Variants in PLCL1 observed in about 807,000 individuals in gnomAD.
PLCL1 encodes phospholipase C like 1 (inactive).
In PLCL1, 41 loss-of-function variants were observed where a neutral mutation model predicts 84.4. That is an observed-to-expected ratio of 0.49 (90% CI 0.38 to 0.63). The LOEUF (loss-of-function observed/expected upper bound fraction) is 0.63. Among genes scored for constraint, PLCL1 ranks in the 30% least tolerant of loss-of-function variants. The pLI is 0.00. For synonymous variants in PLCL1, 490 were observed against 488.3 expected (o/e 1.00, Z -0.05); for missense variants, 1,206 against 1,367.8 (o/e 0.88, Z 1.87).
At chr2:197,859,324 T>C (rs1457348169) in intron 1 of PLCL1, among the ~76,000 whole-genome samples, 1 of 152,134 alleles carries the variant, frequency 6.6e-6, no homozygotes. Context: ...TAAATAAGAC[T>C]CCCTCAGATG....
At chr2:198,074,744 G>T (rs913159171) in intron 1 of PLCL1, among the ~76,000 whole-genome samples, 2 of 152,210 alleles carry the variant, frequency 1.3e-5, no homozygotes, top group Non-Finnish European at 2.9e-5. Context: ...GGGAAATTTT[G>T]TCAGGAATGT....
chr2:198,143,833 A>G (rs1485263486), intron 5 of PLCL1, among the ~76,000 whole-genome samples: 2 of 152,198 alleles, frequency 1.3e-5, no homozygotes, highest in Non-Finnish European at 2.9e-5. Flanking sequence ...TCATGTTTCA[A>G]TGTACACTCT....
intron 5 of PLCL1, among the ~76,000 whole-genome samples, chr2:198,123,204 C>T (rs1302011140): frequency 6.6e-6 from 1 of 152,048 alleles, no homozygotes; most frequent in Non-Finnish European, 1.5e-5. Flanking sequence ...ATTCATGTTA[C>T]AATAGGCAAA....
chr2:198,032,344 A>G (rs79744691), intron 1 of PLCL1, among the ~76,000 whole-genome samples: 1 of 152,090 alleles, frequency 6.6e-6, no homozygotes, highest in Admixed American at 6.6e-5. Context: ...TAAAAAAAAA[A>G]CTCCTTCCAA....
chr2:198,087,660 T>C (rs1383142708), intron 2 of PLCL1, among the ~76,000 whole-genome samples: 1 of 152,140 alleles, frequency 6.6e-6, no homozygotes, highest in East Asian at 1.9e-4. Context: ...TAACTGTACA[T>C]TTTAGAGTAA....
chr2:197,968,763 T>C (rs761586722), intron 1 of PLCL1, among the ~76,000 whole-genome samples: 1 of 152,350 alleles, frequency 6.6e-6, no homozygotes, highest in Non-Finnish European at 1.5e-5. Context: ...CTGAATTTCT[T>C]ATTCTACTGG....
At chr2:197,914,519 C>T (rs545323485) in intron 1 of PLCL1, among the ~76,000 whole-genome samples, 15 of 151,972 alleles carry the variant, frequency 9.9e-5, no homozygotes, top group African/African-American at 1.4e-4. Context: ...TTAGTAGAGA[C>T]GGGGTTTCAC....
chr2:198,071,310 TTA>T (rs1351753659), intron 1 of PLCL1, among the ~76,000 whole-genome samples: 2 of 151,978 alleles, frequency 1.3e-5, no homozygotes, highest in African/African-American at 4.8e-5. Flanking sequence ...CACCTCTTAC[TTA>T]TATCTTTGCT....
chr2:198,133,291 C>A (rs1694170234), intron 5 of PLCL1, among the ~76,000 whole-genome samples: 1 of 149,120 alleles, frequency 6.7e-6, no homozygotes, highest in African/African-American at 2.5e-5. Context: ...AAACCAAACA[C>A]CGCATATTCT....
intron 1 of PLCL1, among the ~76,000 whole-genome samples, chr2:198,001,280 T>C (rs1489646662): frequency 6.6e-6 from 1 of 152,158 alleles, no homozygotes; most frequent in Admixed American, 6.5e-5. Context: ...ACATCACTTA[T>C]TGAGGGATTT....
intron 1 of PLCL1, among the ~76,000 whole-genome samples, chr2:197,896,616 A>G (rs539843085): frequency 1.3e-5 from 2 of 152,240 alleles, no homozygotes; most frequent in East Asian, 1.9e-4. Context: ...GGTGCTTAAC[A>G]TCAGGCATAA....
chr2:197,946,941 AG>A (rs1307419934), intron 1 of PLCL1, among the ~76,000 whole-genome samples: 2 of 152,046 alleles, frequency 1.3e-5, no homozygotes, highest in Non-Finnish European at 2.9e-5. Context: ...CATCTTCCTC[AG>A]GGGCCCCCAC....
At chr2:197,808,750 T>C (rs1417040387) in intron 1 of PLCL1, among the ~76,000 whole-genome samples, 2 of 152,252 alleles carry the variant, frequency 1.3e-5, no homozygotes, top group South Asian at 4.1e-4. Context: ...TTATTTACTA[T>C]ATTAGTTGGT....
intron 1 of PLCL1, among the ~76,000 whole-genome samples, chr2:197,949,867 G>C (rs556954164): frequency 1.3e-5 from 2 of 152,218 alleles, no homozygotes; most frequent in East Asian, 1.9e-4. Flanking sequence ...CATTGTGTGC[G>C]TGGGATTTAT....
chr2:197,911,252 A>T (rs1316375716), intron 1 of PLCL1, among the ~76,000 whole-genome samples: 1 of 152,152 alleles, frequency 6.6e-6, no homozygotes, highest in East Asian at 1.9e-4. Flanking sequence ...GGGAGGATCA[A>T]CTGAGCCTGG....
chr2:198,058,261 A>C (rs564276024), intron 1 of PLCL1, among the ~76,000 whole-genome samples: 1 of 152,230 alleles, frequency 6.6e-6, no homozygotes, highest in East Asian at 1.9e-4. Flanking sequence ...GGTTGGTTTT[A>C]TATAGACATT....
intron 5 of PLCL1, among the ~76,000 whole-genome samples, chr2:198,105,578 C>G (rs950297822): frequency 6.9e-6 from 1 of 144,676 alleles, no homozygotes; most frequent in Non-Finnish European, 1.5e-5. Context: ...AGGGTACAGC[C>G]CATGTGTGAG....
chr2:198,062,958 TAG>T (rs769077681), intron 1 of PLCL1, among the ~76,000 whole-genome samples: 12 of 152,108 alleles, frequency 7.9e-5, no homozygotes, highest in Non-Finnish European at 1.3e-4. Flanking sequence ...CCAGTGGGTG[TAG>T]AGTCTGAAAG....
chr2:197,906,769 G>A (rs1433064078), intron 1 of PLCL1, among the ~76,000 whole-genome samples: 2 of 152,104 alleles, frequency 1.3e-5, no homozygotes, highest in Non-Finnish European at 2.9e-5. Flanking sequence ...TCTTGAAGAG[G>A]TCCTTCACAT....
Sources: gnomAD v4.1 joint callset for allele counts (sites outside exome capture counted in the v4.1 genomes callset) on GRCh38, gnomAD v4.1.1 for gene constraint, MANE v1.5 for transcripts, NCBI Gene and HGNC (gene_info 2026-07-23, HGNC 2026-07-21) for gene names.